The following LTBP2 variants were observed in gnomAD, a reference collection of about 807,000 sequenced individuals.
LTBP2 encodes the protein latent transforming growth factor beta binding protein 2, also known as latent-transforming growth factor beta-binding protein 2.
In LTBP2, 103 loss-of-function variants were observed where a neutral mutation model predicts 210.6. The ratio of observed to expected loss-of-function variants is 0.49; its 90% CI spans 0.42 to 0.58. The LOEUF (loss-of-function observed/expected upper bound fraction) is 0.58. Ranked by LOEUF, LTBP2 falls within the 20% of genes least tolerant of loss-of-function variation. The probability of loss-of-function intolerance (pLI) is 0.00; values close to 1 mark genes in which losing one functional copy is unlikely to be tolerated. For synonymous variants in LTBP2, 1,007 were observed against 1,015.0 expected (o/e 0.99, Z 0.15); for missense variants, 2,313 against 2,494.5 (o/e 0.93, Z 1.55).
intron 33 of LTBP2, 47 bp downstream of exon 33, chr14:74,503,172 T>C (rs2086934190): frequency 6.2e-7 from 1 of 1,607,558 alleles, no homozygotes; most frequent in Non-Finnish European, 8.5e-7. Context: ...TCCCCCTCCC[T>C]GGGGCCTGGC....
At chr14:74,561,049 T>C (rs10144559) in intron 3 of LTBP2, among the ~76,000 whole-genome samples, 5,688 of 152,278 alleles carry the variant, frequency 0.037, 373 homozygotes, top group African/African-American at 0.13. Context: ...TAAAGATGCA[T>C]AGAATATGCC....
At chr14:74,510,861 G>T (rs534723598) in intron 19 of LTBP2, among the ~76,000 whole-genome samples, 1 of 152,366 alleles carries the variant, frequency 6.6e-6, no homozygotes, top group Admixed American at 6.5e-5. Context: ...TGCGGTGGGC[G>T]TGCAGTTTAG....
intron 3 of LTBP2, among the ~76,000 whole-genome samples, chr14:74,576,653 G>A (rs938724974): frequency 6.0e-5 from 9 of 151,070 alleles, no homozygotes; most frequent in African/African-American, 2.2e-4. Context: ...TGGGGTACCT[G>A]TCACAGAGAG....
chr14:74,540,932 A>G lies in LTBP2; in HGVS notation c.1790-4932T>C. Among the ~76,000 whole-genome samples, 2 of 23,962 alleles carry G rather than the reference A, an allele frequency of 8.3e-5. 1 individual carries two copies. Among genetic ancestry groups the G allele is most frequent in the Non-Finnish European group, 2.1e-3 (2 of 950 alleles). 15.7% of individuals were successfully genotyped at this position (23,962 alleles called of 152,430 possible). ...TATTTAAAATATATATAGGTTATAT[A>G]TATATATATATATTTTTTATATATG... is the stretch of plus-strand genomic sequence containing the variant. On this transcript the variant is annotated intron_variant, in intron 8 of 35. Transcript: ENST00000261978.
rs770631584 is a variant in LTBP2 at position 74,503,960 on chromosome 14, G to A, written c.4548C>T (p.Gly1516=). The A allele has an allele frequency of 1.2e-6, 2 of 1,614,198 alleles. No individual in the cohort carries two copies. Among genetic ancestry groups the A allele is most frequent in the Non-Finnish European group, 1.7e-6 (2 of 1,180,042 alleles). ...TCTTGTGGGAAGCATCGTAGTGGAA[G>A]CCGGGATTGCACAGGCAGACATAAC... ...VPGYVCLCNP[G]FHYDASHKKC... The change falls in exon 31 of 36, where the codon GGC becomes GGT. Residue 1516 remains glycine (G), a synonymous_variant. Transcript: ENST00000261978.
chr14:74,540,819 TA>T (rs2087488296), intron 8 of LTBP2, among the ~76,000 whole-genome samples: 2 of 19,628 alleles, frequency 1.0e-4, no homozygotes, highest in East Asian at 1.1e-3. Context: ...AATATATATA[TA>T]TTTTTATATA....
intron 1 of LTBP2, among the ~76,000 whole-genome samples, chr14:74,607,234 C>A (rs1156232864): frequency 2.6e-5 from 4 of 152,222 alleles, no homozygotes; most frequent in Middle Eastern, 3.2e-3. Flanking sequence ...ACGTCCTCCC[C>A]TCAACACACG....
intron 3 of LTBP2, among the ~76,000 whole-genome samples, chr14:74,558,780 G>C (rs2087759829): frequency 6.6e-6 from 1 of 152,144 alleles, no homozygotes; most frequent in Non-Finnish European, 1.5e-5. Context: ...GGGCCAGTTG[G>C]GTAGTTTTGC....
chr14:74,528,799 G>A, intron 11 of LTBP2, 101 bp from the exon 12 acceptor site: 1 of 1,522,528 alleles, frequency 6.6e-7, no homozygotes. Flanking sequence ...AATTGTGGCA[G>A]CAAGGAGGGA....
intron 18 of LTBP2, among the ~76,000 whole-genome samples, chr14:74,513,628 C>T (rs1265171002): frequency 6.6e-6 from 1 of 152,166 alleles, no homozygotes; most frequent in Non-Finnish European, 1.5e-5. Flanking sequence ...AATGGTGAAA[C>T]CCCATCTCTA....
At chr14:74,576,100 C>T (rs775631827) in intron 3 of LTBP2, among the ~76,000 whole-genome samples, 1 of 152,234 alleles carries the variant, frequency 6.6e-6, no homozygotes, top group Non-Finnish European at 1.5e-5. Context: ...AGGCATTGCC[C>T]TCAGTTTGCC....
rs540906357 is a variant in LTBP2, at chr14:74,521,421, G to A, written c.2788+490C>T. On this transcript the variant is annotated intron_variant, in intron 17 of 35. Coordinates refer to ENST00000261978, the MANE Select transcript of LTBP2 (RefSeq NM_000428.3). ...TATTTATCAAGGGTCCCCTGGCAGT[G>A]GGCCACATCACATCTTCCCAGGGAA... is the stretch of plus-strand genomic sequence containing the variant. Among the ~76,000 whole-genome samples the A allele has an allele frequency of 7.4e-3, 683 of 92,676 alleles. 5 individuals are homozygous for A. The highest frequency in any genetic ancestry group is 0.023 in the African/African-American group (629 of 27,056). The allele number at this position is 92,676 out of a possible 152,430, so 60.8% of individuals were successfully genotyped here. A position where few individuals can be genotyped will look rare whatever the true frequency, so the allele number is the denominator to read the frequency against.
chr14:74,608,544 A>C, intron 1 of LTBP2, among the ~76,000 whole-genome samples: 1 of 151,698 alleles, frequency 6.6e-6, no homozygotes. Context: ...CCCCATCTCT[A>C]CTAAAAATAC....
intron 2 of LTBP2, among the ~76,000 whole-genome samples, chr14:74,601,542 T>C (rs1158656225): frequency 6.6e-6 from 1 of 152,174 alleles, no homozygotes; most frequent in Non-Finnish European, 1.5e-5. Context: ...CTTCGTTGTT[T>C]GTTTTTGAGT....
Position 74,501,436 on chromosome 14 carries a change from C to T in LTBP2, c.5320+5G>A. ...CTGACTCCTCCATCAGAATTCTGCA[C>T]TTACCTACGCAGGCCATGTGGGCCG... On this transcript the variant is annotated splice_donor_5th_base_variant and intron_variant, in intron 35 of 35. Transcript: ENST00000261978. 1 of 1,614,112 alleles carries T rather than the reference C, an allele frequency of 6.2e-7. No individual in the cohort carries two copies. The highest frequency in any genetic ancestry group is 8.5e-7 in the Non-Finnish European group (1 of 1,180,016).
intron 1 of LTBP2, among the ~76,000 whole-genome samples, chr14:74,607,683 TAATGA>T (rs1241574608): frequency 6.6e-6 from 1 of 152,134 alleles, no homozygotes; most frequent in East Asian, 1.9e-4. Context: ...TGCAGAAGAA[TAATGA>T]AATAGGGTCT....
intron 3 of LTBP2, among the ~76,000 whole-genome samples, chr14:74,573,508 C>T (rs2088013185): frequency 6.6e-6 from 1 of 152,214 alleles, no homozygotes; most frequent in Non-Finnish European, 1.5e-5. Flanking sequence ...ACAGGTACTG[C>T]AGGTGAGCAG....
chr14:74,586,226 C>T lies in LTBP2; in HGVS notation c.566-108G>A. ...CCTCCTGAGTGCTGCAACCCTGTCG[C>T]TCAAGCAGGAAGCCACTCTCCTGGC... On this transcript the variant is annotated intron_variant, in intron 2 of 35. Transcript: ENST00000261978. This position sits in a 1 kb window ranked among gnomAD's most constrained non-coding sequence, Gnocchi z 4.6. 2.3e-6 allele frequency: 3 copies of T among 1,302,886 alleles called. No individual in the cohort carries two copies. Among genetic ancestry groups the T allele is most frequent in the Non-Finnish European group, 3.2e-6 (3 of 951,122 alleles). 80.7% of individuals were successfully genotyped at this position (1,302,886 alleles called of 1,614,324 possible). A position where few individuals can be genotyped will look rare whatever the true frequency, so the allele number is the denominator to read the frequency against.
At chr14:74,564,331 TTA>T (rs1284569432) in intron 3 of LTBP2, among the ~76,000 whole-genome samples, 306 of 4,884 alleles carry the variant, frequency 0.063, 19 homozygotes, top group African/African-American at 0.12. Flanking sequence ...ATATATATAT[TTA>T]TATATATATA....
Sources: gnomAD v4.1 joint callset for allele counts (sites outside exome capture counted in the v4.1 genomes callset) on GRCh38, gnomAD v4.1.1 for gene constraint, Gnocchi (gnomAD v3.1) non-coding constraint, MANE v1.5 for transcripts, NCBI Gene and HGNC (gene_info 2026-07-23, HGNC 2026-07-21) for gene names.